Variants in LYPLAL1 observed in about 807,000 individuals in gnomAD.
The protein encoded by LYPLAL1 is lysophospholipase like 1.
In LYPLAL1, 23 loss-of-function variants were observed where a neutral mutation model predicts 19.7. The observed-to-expected ratio is 1.17, with a 90% CI of 0.84 to 1.65. The LOEUF (loss-of-function observed/expected upper bound fraction) is 1.65. Among genes scored for constraint, LYPLAL1 ranks in the 40% most tolerant of loss-of-function variants. The pLI, the probability that LYPLAL1 is intolerant of heterozygous loss-of-function variation, is 0.00. For missense variants in LYPLAL1, 355 were observed against 279.4 expected (o/e 1.27, Z -1.93); for synonymous variants, 119 against 96.3 (o/e 1.24, Z -1.38).
Position 219,212,687 on chromosome 1 carries a change from A to G in LYPLAL1, c.*959A>G, listed in dbSNP as rs1309082901. ...TACAATACCTGCCTGCTTTCATTCAACAAAATTATCATGAGATTTTTCCAT... is the reference window on the plus strand; with the variant it reads ...TACAATACCTGCCTGCTTTCATTCAGCAAAATTATCATGAGATTTTTCCAT... On this transcript the variant is annotated 3_prime_UTR_variant, in exon 5 of 5. Transcript: ENST00000366928. 6.6e-6 allele frequency: 1 copy of G among 152,054 alleles called. No homozygotes were observed. The highest frequency in any genetic ancestry group is 2.4e-5 in the African/African-American group (1 of 41,452). 9.4% of individuals were successfully genotyped at this position (152,054 alleles called of 1,614,324 possible).
chr1:219,364,357 T>C, the LYPLAL1 span, among the ~76,000 whole-genome samples: 1 of 152,128 alleles, frequency 6.6e-6, no homozygotes, highest in Non-Finnish European at 1.5e-5. Context: ...ATCTGCCTAT[T>C]TTCCATTTCT....
At chr1:219,187,231 T>C (rs1656802041) in intron 2 of LYPLAL1, among the ~76,000 whole-genome samples, 1 of 151,734 alleles carries the variant, frequency 6.6e-6, no homozygotes, top group African/African-American at 2.4e-5. Context: ...TTGTGGTCTA[T>C]TACAGCATAT....
chr1:219,229,296 AG>A, the LYPLAL1 span, among the ~76,000 whole-genome samples: 7 of 3,376 alleles, frequency 2.1e-3, no homozygotes, highest in Non-Finnish European at 0.049. Flanking sequence ...AAGCATTTTG[AG>A]AGAGAGAGAG....
the LYPLAL1 span, among the ~76,000 whole-genome samples, chr1:219,297,869 T>A: frequency 2.0e-5 from 3 of 152,194 alleles, no homozygotes; most frequent in Non-Finnish European, 2.9e-5. Context: ...CCTTTAGTCA[T>A]TCAAACACTG....
At chr1:219,189,589 T>A (rs1445669707) in intron 2 of LYPLAL1, among the ~76,000 whole-genome samples, 7 of 151,594 alleles carry the variant, frequency 4.6e-5, no homozygotes, top group Non-Finnish European at 1.0e-4. Flanking sequence ...GCCACACAGC[T>A]TCTGGGGTCA....
chr1:219,196,039 A>G (rs796371755), intron 3 of LYPLAL1, among the ~76,000 whole-genome samples: 61 of 152,232 alleles, frequency 4.0e-4, no homozygotes, highest in African/African-American at 1.3e-3. Flanking sequence ...ATAGTATTCT[A>G]TGGTGTACAT....
At chr1:219,315,277 T>A in the LYPLAL1 span, among the ~76,000 whole-genome samples, 1 of 152,224 alleles carries the variant, frequency 6.6e-6, no homozygotes, top group African/African-American at 2.4e-5. Context: ...AGGATTCATA[T>A]AAATTTTGAT....
the LYPLAL1 span, among the ~76,000 whole-genome samples, chr1:219,248,567 A>C: frequency 6.6e-6 from 1 of 152,130 alleles, no homozygotes; most frequent in Non-Finnish European, 1.5e-5. Flanking sequence ...TGAAAATTTA[A>C]TTATGAAAGT....
At chr1:219,223,255 C>A in the LYPLAL1 span, 3 of 152,074 alleles carry the variant, frequency 2.0e-5, no homozygotes, top group Non-Finnish European at 4.4e-5. Flanking sequence ...CCTCAGCCTA[C>A]AGTCACCTGC....
the LYPLAL1 span, among the ~76,000 whole-genome samples, chr1:219,361,874 T>G: frequency 6.6e-6 from 1 of 152,112 alleles, no homozygotes; most frequent in Admixed American, 6.6e-5. Flanking sequence ...TGTCTTTCTG[T>G]GTCAATTTTT....
the LYPLAL1 span, among the ~76,000 whole-genome samples, chr1:219,224,570 A>G: frequency 6.6e-6 from 1 of 152,202 alleles, no homozygotes; most frequent in African/African-American, 2.4e-5. Context: ...GGACAAAAAC[A>G]TAATTCTCCT....
At chr1:219,236,625 T>G in the LYPLAL1 span, among the ~76,000 whole-genome samples, 3 of 152,198 alleles carry the variant, frequency 2.0e-5, no homozygotes, top group South Asian at 4.1e-4. Context: ...TTCATATACC[T>G]CTGAGTTTTC....
the LYPLAL1 span, among the ~76,000 whole-genome samples, chr1:219,377,295 A>G: frequency 6.6e-6 from 1 of 152,202 alleles, no homozygotes; most frequent in African/African-American, 2.4e-5. Context: ...CAAATTCTTG[A>G]AGCCAGAGAC....
the LYPLAL1 span, among the ~76,000 whole-genome samples, chr1:219,234,824 T>C: frequency 3.3e-5 from 5 of 152,168 alleles, no homozygotes; most frequent in African/African-American, 1.2e-4. Context: ...CGAGTGCACA[T>C]TGAGCAGTCC....
At chr1:219,353,319 C>T in the LYPLAL1 span, among the ~76,000 whole-genome samples, 1 of 152,226 alleles carries the variant, frequency 6.6e-6, no homozygotes, top group African/African-American at 2.4e-5. Flanking sequence ...CTAGATTCTA[C>T]ATAATGGTTC....
At chr1:219,397,631 G>A in the LYPLAL1 span, among the ~76,000 whole-genome samples, 1 of 152,164 alleles carries the variant, frequency 6.6e-6, no homozygotes, top group African/African-American at 2.4e-5. Flanking sequence ...ACTTGTTTAT[G>A]TGGTTGCTTT....
chr1:219,352,467 G>A, the LYPLAL1 span, among the ~76,000 whole-genome samples: 21 of 152,262 alleles, frequency 1.4e-4, no homozygotes, highest in African/African-American at 4.1e-4. Flanking sequence ...GCAGTAAGCC[G>A]AGATCGCGCC....
At chr1:219,252,646 G>A in the LYPLAL1 span, among the ~76,000 whole-genome samples, 1 of 152,028 alleles carries the variant, frequency 6.6e-6, no homozygotes. Context: ...ACCTGATGAT[G>A]GTGGATTACT....
chr1:219,353,755 T>C, the LYPLAL1 span, among the ~76,000 whole-genome samples: 1 of 152,182 alleles, frequency 6.6e-6, no homozygotes, highest in African/African-American at 2.4e-5. Flanking sequence ...CAAACATTTC[T>C]AGATGCGAAG....
Sources: allele counts gnomAD v4.1 joint callset (sites outside exome capture counted in the v4.1 genomes callset), GRCh38; gene constraint gnomAD v4.1.1; transcripts MANE v1.5; gene names NCBI Gene and HGNC (gene_info 2026-07-23, HGNC 2026-07-21).